The following ZBTB46 variants were observed in gnomAD, a reference collection of about 807,000 sequenced individuals.
ZBTB46 encodes the protein zinc finger and BTB domain containing 46.
Under a neutral mutation model 44.1 loss-of-function variants are expected in ZBTB46, and 8 were observed. The observed-to-expected ratio is 0.18, with a 90% CI of 0.11 to 0.33. ZBTB46 has a LOEUF of 0.33. Ranked by LOEUF, ZBTB46 falls within the 10% of genes least tolerant of loss-of-function variation. The pLI, the probability that ZBTB46 is intolerant of heterozygous loss-of-function variation, is 1.00. For missense variants in ZBTB46, 651 were observed against 847.7 expected (o/e 0.77, Z 2.88); for synonymous variants, 409 against 382.3 (o/e 1.07, Z -0.81).
chr20:63,757,469 A>G (rs555685545), intron 3 of ZBTB46, among the ~76,000 whole-genome samples: 132 of 152,232 alleles, frequency 8.7e-4, no homozygotes, highest in Middle Eastern at 3.4e-3. Flanking sequence ...ACTCAGCACC[A>G]TATCTTGAAA....
At chr20:63,801,262 G>A (rs988443563) in intron 1 of ZBTB46, among the ~76,000 whole-genome samples, 4 of 151,878 alleles carry the variant, frequency 2.6e-5, no homozygotes, top group South Asian at 2.1e-4. Context: ...ACCAATCAGC[G>A]CCCTGTATCC....
Position 63,804,354 on chromosome 20 carries a change from TGAC to T in ZBTB46, c.-33-13567_-33-13565del, listed in dbSNP as rs200649990. On this transcript the variant is annotated intron_variant, in intron 1 of 4. Transcript: ENST00000245663. ...CCTAGTCTGTCATTTGGGTTATAGA[TGAC>T]ACAGTGGAACAGGTCAGATCTGTAA... Among the ~76,000 whole-genome samples, 487 of 152,240 alleles carry T rather than the reference TGAC, an allele frequency of 3.2e-3. 1 individual carries two copies. The highest frequency in any genetic ancestry group is 0.011 in the African/African-American group (444 of 41,520).
chr20:63,766,565 C>T (rs2092322258), intron 3 of ZBTB46, among the ~76,000 whole-genome samples: 1 of 150,890 alleles, frequency 6.6e-6, no homozygotes, highest in Admixed American at 6.6e-5. Context: ...ATTTTCTCTA[C>T]AACTGATATT....
chr20:63,810,994 C>T (rs1450653071), intron 1 of ZBTB46, among the ~76,000 whole-genome samples: 1 of 152,336 alleles, frequency 6.6e-6, no homozygotes, highest in South Asian at 2.1e-4. Flanking sequence ...GCGGCAGAGC[C>T]GGAGAACACT....
intron 3 of ZBTB46, among the ~76,000 whole-genome samples, chr20:63,753,299 TGGAGTAATAC>T (rs2092188530): frequency 6.6e-6 from 1 of 152,098 alleles, no homozygotes; most frequent in Non-Finnish European, 1.5e-5. Context: ...ACAAACACTG[TGGAGTAATAC>T]GGACCCAAAA....
intron 2 of ZBTB46, 134 bp from the exon 3 acceptor site, chr20:63,776,096 T>A (rs1463322508): frequency 2.6e-6 from 3 of 1,170,618 alleles, no homozygotes; most frequent in Non-Finnish European, 1.1e-6. Flanking sequence ...CAGCCCACCC[T>A]GGGAGCCGGG....
intron 3 of ZBTB46, 43 bp downstream of exon 3, chr20:63,775,635 A>G: frequency 6.6e-7 from 1 of 1,518,822 alleles, no homozygotes; most frequent in East Asian, 2.3e-5. Context: ...CTCAGCCTTC[A>G]AAACCACACC....
intron 1 of ZBTB46, 180 bp from the exon 2 acceptor site, chr20:63,790,970 G>C (rs2092556326): frequency 1.2e-6 from 1 of 836,262 alleles, no homozygotes; most frequent in South Asian, 2.0e-5. Context: ...AAGCAGGGCA[G>C]CAAACACCGG....
chr20:63,776,623 G>C (rs1249575377), intron 2 of ZBTB46, among the ~76,000 whole-genome samples: 2 of 152,100 alleles, frequency 1.3e-5, no homozygotes, highest in East Asian at 3.9e-4. Context: ...GGCCAACATG[G>C]TGAAACCCCA....
rs548375794 is a variant in ZBTB46 at position 63,792,362 on chromosome 20, G to A, written c.-33-1572C>T. Among the ~76,000 whole-genome samples, 469 of 152,314 alleles carry A rather than the reference G, an allele frequency of 3.1e-3. 1 individual carries two copies. Among genetic ancestry groups the A allele is most frequent in the African/African-American group, 0.011 (440 of 41,576 alleles). ...TGTGTTTAATAGGAGAAAACTAAGCGAGCGTGGGAGTATTACATGTCCTTC... is the reference window on the plus strand; with the variant it reads ...TGTGTTTAATAGGAGAAAACTAAGCAAGCGTGGGAGTATTACATGTCCTTC... On this transcript the variant is annotated intron_variant, in intron 1 of 4. Transcript: ENST00000245663.
Position 63,767,136 on chromosome 20 carries a change from G to A in ZBTB46, c.1222+8542C>T, listed in dbSNP as rs776386387. Reference sequence around the variant, plus strand: ...CATTCCCGTAATTCCACGCCGACACGTGGAGCGCCGCGCACATGCCAGGCA... The same window carrying A: ...CATTCCCGTAATTCCACGCCGACACATGGAGCGCCGCGCACATGCCAGGCA... On this transcript the variant is annotated intron_variant, in intron 3 of 4. Coordinates refer to ENST00000245663, the MANE Select transcript of ZBTB46 (RefSeq NM_001369741.1). The surrounding 1 kb of genome is among the most constrained non-coding windows in gnomAD (Gnocchi z 5.0). 3.3e-5 allele frequency among the ~76,000 whole-genome samples: 5 copies of A among 152,240 alleles called. No homozygotes were observed. The highest frequency in any genetic ancestry group is 7.3e-5 in the Non-Finnish European group (5 of 68,034).
intron 3 of ZBTB46, among the ~76,000 whole-genome samples, chr20:63,762,352 G>A (rs769299728): frequency 1.3e-5 from 2 of 150,464 alleles, no homozygotes; most frequent in Non-Finnish European, 2.9e-5. Context: ...TTTACCTCAT[G>A]TATTTTAAAA....
At chr20:63,788,914 C>T (rs1419889675) in intron 2 of ZBTB46, among the ~76,000 whole-genome samples, 3 of 150,194 alleles carry the variant, frequency 2.0e-5, no homozygotes, top group Non-Finnish European at 4.4e-5. Flanking sequence ...CGGCTCACCA[C>T]AACCTCCGCC....
chr20:63,779,673 G>C (rs990631287), intron 2 of ZBTB46, among the ~76,000 whole-genome samples: 15 of 151,828 alleles, frequency 9.9e-5, no homozygotes, highest in African/African-American at 3.6e-4. Context: ...GCCCCCCTCA[G>C]CCTCCGAGAG....
chr20:63,795,149 G>C (rs559328862), intron 1 of ZBTB46, among the ~76,000 whole-genome samples: 1 of 152,372 alleles, frequency 6.6e-6, no homozygotes, highest in East Asian at 1.9e-4. Flanking sequence ...AGCTTTTTCT[G>C]AGGCTTCTTG....
chr20:63,762,362 A>G (rs531649489), intron 3 of ZBTB46, among the ~76,000 whole-genome samples: 36 of 145,772 alleles, frequency 2.5e-4, no homozygotes, highest in African/African-American at 9.2e-4. Context: ...GTATTTTAAA[A>G]CTGAGCTGTT....
chr20:63,833,317 C>T (rs1288151668), upstream of ZBTB46, among the ~76,000 whole-genome samples: 2 of 152,204 alleles, frequency 1.3e-5, no homozygotes, highest in South Asian at 2.1e-4. Context: ...GAGGGCCGGG[C>T]GCGGTGTCTC....
chr20:63,748,773 G>A (rs896560420), intron 4 of ZBTB46, among the ~76,000 whole-genome samples: 10 of 152,244 alleles, frequency 6.6e-5, no homozygotes, highest in African/African-American at 2.2e-4. Context: ...GAGGCTGCAC[G>A]GAGAACTGAG....
intron 1 of ZBTB46, among the ~76,000 whole-genome samples, chr20:63,826,953 G>C (rs1178561989): frequency 6.6e-6 from 1 of 152,124 alleles, no homozygotes; most frequent in Non-Finnish European, 1.5e-5. Flanking sequence ...AATATGACTC[G>C]CTCCACCAGG....
Sources: allele counts gnomAD v4.1 joint callset (sites outside exome capture counted in the v4.1 genomes callset), GRCh38; gene constraint gnomAD v4.1.1; non-coding constraint Gnocchi (gnomAD v3.1); transcripts MANE v1.5; gene names NCBI Gene and HGNC (gene_info 2026-07-23, HGNC 2026-07-21).